LRRC7: variants seen among roughly 807,000 people sequenced by gnomAD.
The protein encoded by LRRC7 is leucine-rich repeat-containing protein 7.
LRRC7 carries 23 observed loss-of-function variants against 175.7 expected under a neutral mutation model. The observed-to-expected ratio is 0.13, with a 90% CI of 0.09 to 0.19. LRRC7 has a LOEUF of 0.19. LRRC7 is among the 10% of genes least tolerant of loss of function. The pLI, the probability that LRRC7 is intolerant of heterozygous loss-of-function variation, is 1.00. For synonymous variants in LRRC7, 685 were observed against 680.9 expected (o/e 1.01, Z -0.09); for missense variants, 1,354 against 1,904.7 (o/e 0.71, Z 5.38).
At chr1:69,693,751 T>C (rs1570387236) in intron 2 of LRRC7, among the ~76,000 whole-genome samples, 1 of 152,198 alleles carries the variant, frequency 6.6e-6, no homozygotes, top group African/African-American at 2.4e-5. Flanking sequence ...GTGTCTTTTA[T>C]TTTTATTTCC....
chr1:69,606,076 C>G (rs918616472), intron 1 of LRRC7, among the ~76,000 whole-genome samples: 6 of 152,240 alleles, frequency 3.9e-5, no homozygotes, highest in African/African-American at 1.2e-4. Context: ...ATACATGTCT[C>G]AAACTTTCTG....
Position 69,628,336 on chromosome 1 carries a change from A to T in LRRC7, c.3-50045A>T, listed in dbSNP as rs187421347. On this transcript the variant is annotated intron_variant, in intron 1 of 26. Coordinates refer to ENST00000651989, the MANE Select transcript of LRRC7 (RefSeq NM_001370785.2). ...GTCAGTTGCTTTTTTATATACAGCA[A>T]TGAACAAGTGAAATATGAAATTAAA... Among the ~76,000 whole-genome samples, 24 of 152,296 alleles carry T rather than the reference A, an allele frequency of 1.6e-4. No individual in the cohort carries two copies. The East Asian group carries it at 4.6e-3, about 29-fold the overall frequency.
At position 70,127,590 on chromosome 1, in the gene LRRC7, G is replaced by C. The variant is rs1189290113; in HGVS notation, c.*5703G>C. ...TTCAGCTGGTAGAGTCTTCCCAGTT[G>C]GGTTCTGAGCTCATGCTCTTTGTAA... On this transcript the variant is annotated 3_prime_UTR_variant, in exon 27 of 27. Coordinates refer to ENST00000651989, the MANE Select transcript of LRRC7 (RefSeq NM_001370785.2). Among the ~76,000 whole-genome samples the C allele has an allele frequency of 6.6e-6, 1 of 152,156 alleles. No individual in the cohort carries two copies.
At chr1:70,101,538 G>A (rs911592479) in intron 25 of LRRC7, among the ~76,000 whole-genome samples, 5 of 152,148 alleles carry the variant, frequency 3.3e-5, no homozygotes, top group African/African-American at 1.2e-4. Context: ...AATGTTAAAT[G>A]TTGGCCTTGT....
intron 9 of LRRC7, among the ~76,000 whole-genome samples, chr1:69,985,122 A>C (rs1162260041): frequency 1.3e-5 from 2 of 152,126 alleles, no homozygotes; most frequent in African/African-American, 4.8e-5. Context: ...TGCACTTGTC[A>C]CAGGGTGTTA....
At chr1:69,840,858 T>C (rs1570264487) in intron 7 of LRRC7, among the ~76,000 whole-genome samples, 1 of 152,128 alleles carries the variant, frequency 6.6e-6, no homozygotes, top group African/African-American at 2.4e-5. Context: ...TGTTAGATTA[T>C]GTGATACAGT....
intron 2 of LRRC7, among the ~76,000 whole-genome samples, chr1:69,756,278 A>G (rs1670414483): frequency 6.6e-6 from 1 of 151,966 alleles, no homozygotes; most frequent in African/African-American, 2.4e-5. Flanking sequence ...GAATTGTAGG[A>G]TAAGTCCAAG....
intron 4 of LRRC7, among the ~76,000 whole-genome samples, chr1:69,809,050 G>C (rs914178037): frequency 1.3e-5 from 2 of 152,040 alleles, no homozygotes; most frequent in Non-Finnish European, 2.9e-5. Context: ...AGAAGAAAGA[G>C]AGAAGAATCA....
rs770437026 is a variant in LRRC7 at position 69,980,469 on chromosome 1, T to G, written c.786+16T>G. On this transcript the variant is annotated intron_variant, in intron 9 of 26. Transcript: ENST00000651989. ...GTTACCTGGGGTATGTAAGTTTTTA[T>G]TCTACCATGTTGTTTAATATTTGTT... 1.3e-6 allele frequency: 2 copies of G among 1,539,120 alleles called. No homozygotes were observed. Among genetic ancestry groups the G allele is most frequent in the African/African-American group, 1.4e-5 (1 of 73,128 alleles).
intron 10 of LRRC7, among the ~76,000 whole-genome samples, chr1:69,987,095 A>G (rs564488038): frequency 8.5e-5 from 13 of 152,212 alleles, no homozygotes; most frequent in African/African-American, 2.9e-4. Flanking sequence ...TACAAAAAGT[A>G]CCGGGCATGG....
At chr1:69,992,522 G>A (rs528434389) in intron 10 of LRRC7, among the ~76,000 whole-genome samples, 1 of 152,276 alleles carries the variant, frequency 6.6e-6, no homozygotes, top group South Asian at 2.1e-4. Context: ...AGGAAGACAT[G>A]AGCAACAAGG....
intron 2 of LRRC7, among the ~76,000 whole-genome samples, chr1:69,755,335 T>C (rs1670290189): frequency 6.8e-6 from 1 of 147,632 alleles, no homozygotes; most frequent in Non-Finnish European, 1.5e-5. Context: ...AAAAGGAATA[T>C]ATATATACAC....
At chr1:69,853,349 G>GCT (rs1229814435) in intron 7 of LRRC7, among the ~76,000 whole-genome samples, 9 of 132,734 alleles carry the variant, frequency 6.8e-5, no homozygotes, top group African/African-American at 2.6e-4. Flanking sequence ...TGTGGTCTCA[G>GCT]CTTACTGCAA....
intron 1 of LRRC7, among the ~76,000 whole-genome samples, chr1:69,670,710 C>A (rs1658946411): frequency 6.6e-6 from 1 of 152,120 alleles, no homozygotes; most frequent in African/African-American, 2.4e-5. Flanking sequence ...GGTGAGCTGG[C>A]AGTCAAACCA....
intron 25 of LRRC7, among the ~76,000 whole-genome samples, chr1:70,090,669 T>C (rs1356911555): frequency 1.3e-5 from 2 of 152,020 alleles, no homozygotes; most frequent in East Asian, 1.9e-4. Context: ...CATAAAACTT[T>C]AGGATGATGA....
At chr1:69,885,567 G>C (rs1362019118) in intron 7 of LRRC7, among the ~76,000 whole-genome samples, 1 of 125,770 alleles carries the variant, frequency 8.0e-6, no homozygotes, top group African/African-American at 3.3e-5. Flanking sequence ...CAAAAAACCA[G>C]CTCCTGGATT....
At chr1:69,916,281 C>A (rs12026016) in intron 7 of LRRC7, among the ~76,000 whole-genome samples, 1 of 130,634 alleles carries the variant, frequency 7.7e-6, no homozygotes, top group South Asian at 2.2e-4. Context: ...AAATATATAT[C>A]ATATATATTA....
chr1:69,816,850 A>C (rs556396994), intron 4 of LRRC7, among the ~76,000 whole-genome samples: 1 of 152,142 alleles, frequency 6.6e-6, no homozygotes, highest in South Asian at 2.1e-4. Context: ...TCTGTTTCTA[A>C]GAATTAGACT....
chr1:69,942,819 T>A (rs562952870), intron 8 of LRRC7, among the ~76,000 whole-genome samples: 10 of 152,114 alleles, frequency 6.6e-5, no homozygotes, highest in Non-Finnish European at 8.8e-5. Context: ...ATTTATAGGT[T>A]CTTGGAATTA....
Sources: gnomAD v4.1 joint callset for allele counts (sites outside exome capture counted in the v4.1 genomes callset) on GRCh38, gnomAD v4.1.1 for gene constraint, MANE v1.5 for transcripts, NCBI Gene and HGNC (gene_info 2026-07-23, HGNC 2026-07-21) for gene names.